TCF12: variants seen among roughly 807,000 people sequenced by gnomAD.
TCF12 encodes the protein DNA-binding protein HTF4.
TCF12 carries 45 observed loss-of-function variants against 86.0 expected under a neutral mutation model. That is an observed-to-expected ratio of 0.52 (90% CI 0.41 to 0.67). TCF12 has a LOEUF of 0.67. TCF12 is among the 30% of genes least tolerant of loss of function. The pLI is 0.00. For synonymous variants in TCF12, 330 were observed against 299.6 expected (o/e 1.10, Z -1.05); for missense variants, 881 against 859.9 (o/e 1.02, Z -0.31).
At chr15:57,145,121 G>A (rs1341059542) in intron 5 of TCF12, among the ~76,000 whole-genome samples, 1 of 152,138 alleles carries the variant, frequency 6.6e-6, no homozygotes, top group South Asian at 2.1e-4. Context: ...ATCTTAATAA[G>A]AACATTTCCA....
Position 57,232,710 on chromosome 15 carries a change from A to G in TCF12, c.826-2A>G, listed in dbSNP as rs2151925569. ...TAATAGATCATATCTCTTTCCATCT[A>G]GAGTTATCCTCCACACTCAGTTTCA... On this transcript the variant is annotated splice_acceptor_variant, in intron 10 of 20. Coordinates refer to ENST00000333725, the MANE Select transcript of TCF12 (RefSeq NM_207037.2). LOFTEE classifies it high-confidence loss of function. 6.2e-7 allele frequency: 1 copy of G among 1,610,450 alleles called. No homozygotes were observed. Among genetic ancestry groups the G allele is most frequent in the Non-Finnish European group, 8.5e-7 (1 of 1,178,618 alleles).
At chr15:57,073,464 G>T (rs921871879) in intron 4 of TCF12, among the ~76,000 whole-genome samples, 3 of 151,972 alleles carry the variant, frequency 2.0e-5, no homozygotes, top group Non-Finnish European at 4.4e-5. Context: ...ACCAGCACTT[G>T]TCACAATTTA....
chr15:57,203,093 C>T (rs115530068), intron 8 of TCF12, among the ~76,000 whole-genome samples: 3 of 152,170 alleles, frequency 2.0e-5, no homozygotes, highest in African/African-American at 4.8e-5. Flanking sequence ...GTGCCTGGCA[C>T]CTAATGACTG....
chr15:57,282,324 T>A, intron 19 of TCF12, 121 bp from the exon 20 acceptor site: 1 of 1,176,980 alleles, frequency 8.5e-7, no homozygotes, highest in Non-Finnish European at 1.2e-6. Context: ...ACATTGTTTC[T>A]TCTATGTGAT....
intron 3 of TCF12, among the ~76,000 whole-genome samples, chr15:56,998,648 C>T (rs187799260): frequency 3.3e-5 from 5 of 151,826 alleles, no homozygotes; most frequent in South Asian, 2.1e-4. Flanking sequence ...ACAGAATCAC[C>T]GGGGGTACAG....
intron 1 of TCF12, 140 bp from the exon 2 acceptor site, chr15:56,919,752 C>T (rs2059690725): frequency 3.1e-6 from 2 of 652,822 alleles, no homozygotes; most frequent in Admixed American, 6.2e-5. Context: ...GCTCGCGCCG[C>T]GGTGGGAGCG....
intron 5 of TCF12, among the ~76,000 whole-genome samples, chr15:57,104,315 A>G (rs1207005306): frequency 2.6e-5 from 4 of 152,192 alleles, no homozygotes; most frequent in African/African-American, 9.6e-5. Flanking sequence ...ACAAAATCCA[A>G]AAATATTATT....
At chr15:57,147,944 G>A (rs1011075909) in intron 5 of TCF12, among the ~76,000 whole-genome samples, 14 of 150,476 alleles carry the variant, frequency 9.3e-5, no homozygotes, top group East Asian at 2.0e-4. Context: ...GCAGTGGTGT[G>A]GTCATAGCTC....
chr15:56,936,068 A>G (rs2060458268), intron 3 of TCF12, among the ~76,000 whole-genome samples: 1 of 152,166 alleles, frequency 6.6e-6, no homozygotes, highest in Non-Finnish European at 1.5e-5. Flanking sequence ...GAATCACCAC[A>G]CTGTTTTCTG....
intron 3 of TCF12, among the ~76,000 whole-genome samples, chr15:56,940,480 TCC>T (rs1469518713): frequency 8.5e-4 from 106 of 125,254 alleles, no homozygotes; most frequent in Middle Eastern, 3.6e-3. Context: ...CTTCTTCTTC[TCC>T]TCCTCCTCCT....
At chr15:56,977,630 G>A (rs577799970) in intron 3 of TCF12, among the ~76,000 whole-genome samples, 2 of 152,264 alleles carry the variant, frequency 1.3e-5, no homozygotes, top group African/African-American at 4.8e-5. Context: ...GTAGCTTTGT[G>A]TGTGTGTTTT....
intron 8 of TCF12, among the ~76,000 whole-genome samples, chr15:57,224,745 C>T (rs2058786968): frequency 6.6e-6 from 1 of 152,106 alleles, no homozygotes; most frequent in African/African-American, 2.4e-5. Context: ...ATCCCTTTTA[C>T]AGAATTTCAA....
At chr15:57,007,052 G>A (rs1311263833) in intron 3 of TCF12, among the ~76,000 whole-genome samples, 2 of 152,192 alleles carry the variant, frequency 1.3e-5, no homozygotes, top group Non-Finnish European at 2.9e-5. Flanking sequence ...TGTGTCATTT[G>A]TAAGGTTAAT....
intron 13 of TCF12, among the ~76,000 whole-genome samples, chr15:57,244,393 T>C (rs192187880): frequency 6.6e-6 from 1 of 152,328 alleles, no homozygotes; most frequent in Admixed American, 6.5e-5. Context: ...GATGTGGTTT[T>C]TCTGCCGAGG....
chr15:56,940,689 C>A (rs546048622), intron 3 of TCF12, among the ~76,000 whole-genome samples: 1 of 144,486 alleles, frequency 6.9e-6, no homozygotes, highest in Non-Finnish European at 1.5e-5. Flanking sequence ...TCTCCCTCTC[C>A]CTCTCCCCTT....
chr15:57,077,765 G>A (rs2070258131), intron 4 of TCF12, among the ~76,000 whole-genome samples: 1 of 149,228 alleles, frequency 6.7e-6, no homozygotes, highest in Admixed American at 6.7e-5. Flanking sequence ...AAAAACGTTT[G>A]CATGTACTTT....
chr15:57,231,311 C>T, intron 9 of TCF12, 54 bp downstream of exon 9: 1 of 1,316,040 alleles, frequency 7.6e-7, no homozygotes, highest in Non-Finnish European at 1.1e-6. Flanking sequence ...GTATATCAGC[C>T]AGTATTTTAA....
At chr15:57,233,146 G>A (rs2059233591) in intron 11 of TCF12, among the ~76,000 whole-genome samples, 1 of 150,362 alleles carries the variant, frequency 6.7e-6, no homozygotes, top group South Asian at 2.1e-4. Flanking sequence ...GTATATATAT[G>A]TGTATATATG....
At chr15:56,988,858 A>G (rs538653740) in intron 3 of TCF12, among the ~76,000 whole-genome samples, 1 of 152,268 alleles carries the variant, frequency 6.6e-6, no homozygotes, top group African/African-American at 2.4e-5. Flanking sequence ...TAACAGTGTG[A>G]TGTATAGGTA....
Sources: gnomAD v4.1 joint callset for allele counts (sites outside exome capture counted in the v4.1 genomes callset) on GRCh38, gnomAD v4.1.1 for gene constraint, MANE v1.5 for transcripts, NCBI Gene and HGNC (gene_info 2026-07-23, HGNC 2026-07-21) for gene names.